The following CLIC4 variants were observed in gnomAD, a reference collection of about 807,000 sequenced individuals.
CLIC4 encodes chloride intracellular channel protein 4.
Under a neutral mutation model 24.6 loss-of-function variants are expected in CLIC4, and 13 were observed. The ratio of observed to expected loss-of-function variants is 0.53; its 90% CI spans 0.34 to 0.84. The LOEUF (loss-of-function observed/expected upper bound fraction) is 0.84, where lower values mean the gene tolerates loss of function less well. CLIC4 is among the 40% of genes least tolerant of loss of function. The probability of loss-of-function intolerance (pLI) is 0.01; values close to 1 mark genes in which losing one functional copy is unlikely to be tolerated. For missense variants in CLIC4, 227 were observed against 301.7 expected, an observed-to-expected ratio of 0.75 and a Z score of 1.83; for synonymous variants, 104 against 111.3, an observed-to-expected ratio of 0.93 and a Z score of 0.41.
intron 3 of CLIC4, among the ~76,000 whole-genome samples, chr1:24,823,734 A>G (rs1639758342): frequency 7.0e-6 from 1 of 142,708 alleles, no homozygotes; most frequent in South Asian, 2.2e-4. Flanking sequence ...AGATTGCGCC[A>G]CTGTACTCTA....
intron 1 of CLIC4, among the ~76,000 whole-genome samples, chr1:24,758,963 T>C (rs1241663789): frequency 6.6e-6 from 1 of 152,146 alleles, no homozygotes; most frequent in Non-Finnish European, 1.5e-5. Context: ...TAAAGAAAAT[T>C]TATTTAGGTT....
intron 1 of CLIC4, among the ~76,000 whole-genome samples, chr1:24,762,161 T>TGCTTCC (rs1638934080): frequency 6.6e-6 from 1 of 152,202 alleles, no homozygotes; most frequent in African/African-American, 2.4e-5. Flanking sequence ...CTCACACCTA[T>TGCTTCC]AATCCCAGCA....
rs181024620 is a variant in CLIC4, at chr1:24,842,241, C to T, written c.*1304C>T. On this transcript the variant is annotated 3_prime_UTR_variant, in exon 6 of 6. Transcript: ENST00000374379. ...TTTCGGGGTTTTTTTTAATTGAAGC[C>T]CTAAACCAGGAATTATTTGTGTTCT... The T allele has an allele frequency of 2.1e-4, 32 of 151,974 alleles. No individual in the cohort carries two copies. Among genetic ancestry groups the T allele is most frequent in the East Asian group, 1.5e-3 (8 of 5,186 alleles). 9.4% of individuals were successfully genotyped at this position (151,974 alleles called of 1,614,324 possible). A position where few individuals can be genotyped will look rare whatever the true frequency, so the allele number is the denominator to read the frequency against.
At chr1:24,769,864 CTT>C (rs896691641) in intron 1 of CLIC4, among the ~76,000 whole-genome samples, 1 of 144,512 alleles carries the variant, frequency 6.9e-6, no homozygotes, top group Non-Finnish European at 1.5e-5. Context: ...ACTTGAATGT[CTT>C]TTTTTTTTTT....
At chr1:24,829,136 A>G (rs1639815824) in intron 4 of CLIC4, among the ~76,000 whole-genome samples, 2 of 152,164 alleles carry the variant, frequency 1.3e-5, no homozygotes, top group Non-Finnish European at 2.9e-5. Flanking sequence ...TTACACAGAG[A>G]TGAATTTGTC....
At chr1:24,825,536 T>C (rs750950532) in intron 3 of CLIC4, among the ~76,000 whole-genome samples, 4 of 152,198 alleles carry the variant, frequency 2.6e-5, no homozygotes, top group Non-Finnish European at 5.9e-5. Flanking sequence ...CTCACTGTAA[T>C]TTTTACAGAA....
chr1:24,794,751 T>C (rs983117208), intron 1 of CLIC4, among the ~76,000 whole-genome samples: 1 of 152,238 alleles, frequency 6.6e-6, no homozygotes, highest in African/African-American at 2.4e-5. Context: ...GGCATCTTCG[T>C]CATGAAATCT....
intron 1 of CLIC4, among the ~76,000 whole-genome samples, chr1:24,787,660 C>T (rs970886671): frequency 2.6e-5 from 4 of 151,634 alleles, no homozygotes; most frequent in Non-Finnish European, 5.9e-5. Context: ...CTCAGCCTCC[C>T]AAGTAGCTGG....
chr1:24,783,050 T>A (rs781433236), intron 1 of CLIC4, among the ~76,000 whole-genome samples: 2 of 152,168 alleles, frequency 1.3e-5, no homozygotes, highest in African/African-American at 2.4e-5. Context: ...TTACCTATTG[T>A]TAACATTTTA....
intron 4 of CLIC4, among the ~76,000 whole-genome samples, chr1:24,835,364 A>G (rs886104154): frequency 2.0e-5 from 3 of 152,142 alleles, no homozygotes; most frequent in Non-Finnish European, 2.9e-5. Flanking sequence ...GGAGTTCGAG[A>G]CCAGCCTGAC....
intron 2 of CLIC4, among the ~76,000 whole-genome samples, chr1:24,798,182 A>G (rs896105739): frequency 6.6e-5 from 10 of 152,224 alleles, no homozygotes; most frequent in African/African-American, 2.2e-4. Flanking sequence ...TTCTAAGCAG[A>G]CATCATCTTG....
At chr1:24,817,873 CAG>C (rs2124156604) in intron 3 of CLIC4, among the ~76,000 whole-genome samples, 1 of 152,246 alleles carries the variant, frequency 6.6e-6, no homozygotes, top group Non-Finnish European at 1.5e-5. Context: ...TATTTTGTCT[CAG>C]GGAGCAGGAA....
At position 24,836,551 on chromosome 1, in the gene CLIC4, G is replaced by C. The variant is rs575433303; in HGVS notation, c.416-3309G>C. 2.0e-5 allele frequency among the ~76,000 whole-genome samples: 3 copies of C among 152,296 alleles called. No homozygotes were observed. The East Asian group carries it at 5.8e-4, about 29-fold the overall frequency. On this transcript the variant is annotated intron_variant, in intron 4 of 5. Transcript: ENST00000374379. ...GATAGATATCAATAACAAAAGTACAGCTAGAACGGGGCACAGTGGCTCATG... is the reference window on the plus strand; with the variant it reads ...GATAGATATCAATAACAAAAGTACACCTAGAACGGGGCACAGTGGCTCATG...
intron 2 of CLIC4, among the ~76,000 whole-genome samples, chr1:24,812,743 A>C (rs757424144): frequency 1.3e-5 from 2 of 152,018 alleles, no homozygotes; most frequent in African/African-American, 2.4e-5. Context: ...TTTTTGAGAC[A>C]GAGTATTGCT....
chr1:24,811,081 GA>G (rs11365488), intron 2 of CLIC4, among the ~76,000 whole-genome samples: 143,184 of 144,340 alleles, frequency 0.99, 71,016 homozygotes, highest in South Asian at 1. Flanking sequence ...TCTGTCTCAG[GA>G]AAAAAAAAAA....
chr1:24,836,750 A>T (rs1212310469), intron 4 of CLIC4, among the ~76,000 whole-genome samples: 5 of 152,204 alleles, frequency 3.3e-5, no homozygotes, highest in Admixed American at 1.3e-4. Context: ...AGGTGGGAGG[A>T]TCGCATGAGC....
At chr1:24,811,235 T>G (rs1481873178) in intron 2 of CLIC4, among the ~76,000 whole-genome samples, 2 of 152,190 alleles carry the variant, frequency 1.3e-5, no homozygotes, top group Non-Finnish European at 2.9e-5. Context: ...TTTGCACATC[T>G]TAGAAGAGGT....
In CLIC4 at chr1:24,797,828, T is replaced by C. The variant is rs891910816; in HGVS notation, c.159T>C (p.Ser53=). The part of the protein sequence containing the change: ...MILWLKGVVF[S]VTTVDLKRKP... ...TTTGGCTCAAAGGAGTTGTATTTAGTGTGACGACTGTTGACCTGAAAAGGT... is the reference window on the plus strand; with the variant it reads ...TTTGGCTCAAAGGAGTTGTATTTAGCGTGACGACTGTTGACCTGAAAAGGT... The change falls in exon 2 of 6, where the codon AGT becomes AGC. Residue 53 remains serine, a synonymous_variant. Transcript: ENST00000374379. 3.7e-6 allele frequency: 6 copies of C among 1,612,792 alleles called. No homozygotes were observed. Among genetic ancestry groups the C allele is most frequent in the Middle Eastern group, 1.7e-4 (1 of 6,058 alleles).
rs1176720509 is a variant in CLIC4 at position 24,748,492 on chromosome 1, GTTTTTTGTTTTTT to G, written c.72+2874_72+2886del. Among the ~76,000 whole-genome samples, 13 of 63,200 alleles carry G rather than the reference GTTTTTTGTTTTTT, an allele frequency of 2.1e-4. No individual in the cohort carries two copies. The South Asian group carries it at 4.7e-3, about 23-fold the overall frequency. The allele number at this position is 63,200 out of a possible 152,430, so 41.5% of individuals were successfully genotyped here. A position where few individuals can be genotyped will look rare whatever the true frequency, so the allele number is the denominator to read the frequency against. Reference sequence around the variant, plus strand: ...CAAACTTTGCACTGATACAGATCAGGTTTTTTGTTTTTTTTTTTTTTTTTTTTTTTAATGAGAT... The same window carrying G: ...CAAACTTTGCACTGATACAGATCAGGTTTTTTTTTTTTTTTTTAATGAGAT... On this transcript the variant is annotated intron_variant, in intron 1 of 5. Coordinates refer to ENST00000374379, the MANE Select transcript of CLIC4 (RefSeq NM_013943.3).
Sources: allele counts gnomAD v4.1 joint callset (sites outside exome capture counted in the v4.1 genomes callset), GRCh38; gene constraint gnomAD v4.1.1; transcripts MANE v1.5; gene names NCBI Gene and HGNC (gene_info 2026-07-23, HGNC 2026-07-21).